The following CNTN4 variants were observed in gnomAD, a reference collection of about 807,000 sequenced individuals.
CNTN4 encodes contactin 4, also known as contactin-4.
A neutral mutation model predicts 122.5 loss-of-function variants in CNTN4; 77 were observed. The ratio of observed to expected loss-of-function variants is 0.63; its 90% CI spans 0.52 to 0.76. CNTN4 has a LOEUF of 0.76. Among genes scored for constraint, CNTN4 ranks in the 30% least tolerant of loss-of-function variants. The pLI is 0.00. For missense variants in CNTN4, 1,256 were observed against 1,259.1 expected (o/e 1.00, Z 0.04); for synonymous variants, 512 against 447.0 (o/e 1.15, Z -1.83).
intron 3 of CNTN4, among the ~76,000 whole-genome samples, chr3:2,559,874 G>T (rs918525964): frequency 6.6e-6 from 1 of 152,172 alleles, no homozygotes; most frequent in African/African-American, 2.4e-5. Context: ...GAAGAAGAAT[G>T]CAAGCTCCAT....
At chr3:2,474,141 C>T (rs2075772906) in intron 3 of CNTN4, among the ~76,000 whole-genome samples, 1 of 152,104 alleles carries the variant, frequency 6.6e-6, no homozygotes, top group South Asian at 2.1e-4. Flanking sequence ...CCTGCCTTAA[C>T]TTTGTTTAGA....
At position 2,823,484 on chromosome 3, in the gene CNTN4, G is replaced by A. The variant is rs114009654; in HGVS notation, c.454+3903G>A. Reference sequence around the variant, plus strand: ...CTCTTTGTCATCTCTTGGTTTATATGTATGAATTCAGATGTGATGGTTTTG... The same window carrying A: ...CTCTTTGTCATCTCTTGGTTTATATATATGAATTCAGATGTGATGGTTTTG... On this transcript the variant is annotated intron_variant, in intron 7 of 24. Transcript: ENST00000418658. 3.0e-3 allele frequency among the ~76,000 whole-genome samples: 462 copies of A among 152,268 alleles called. 2 individuals carry two copies. The highest frequency in any genetic ancestry group is 0.011 in the African/African-American group (444 of 41,558).
At chr3:2,352,195 C>T (rs527410149) in intron 3 of CNTN4, among the ~76,000 whole-genome samples, 1 of 151,964 alleles carries the variant, frequency 6.6e-6, no homozygotes, top group South Asian at 2.1e-4. Flanking sequence ...TTGAGACCAT[C>T]CTGGCTAACA....
At chr3:2,345,376 A>G (rs2044364582) in intron 3 of CNTN4, among the ~76,000 whole-genome samples, 1 of 152,182 alleles carries the variant, frequency 6.6e-6, no homozygotes, top group African/African-American at 2.4e-5. Context: ...TCTGTGAAGT[A>G]TTTTATAAGC....
In CNTN4 at chr3:2,125,074, T is replaced by C. The variant is rs1214236638; in HGVS notation, c.-145+24435T>C. Among the ~76,000 whole-genome samples, 7 of 152,204 alleles carry C rather than the reference T, an allele frequency of 4.6e-5. No homozygotes were observed. In the East Asian group the frequency reaches 1.4e-3, roughly 29 times the overall value. Reference sequence around the variant, plus strand: ...TCTAGCACTTATTCATCTTGCAGAATTGAAATTTTATACCCTTTGTACCCT... The same window carrying C: ...TCTAGCACTTATTCATCTTGCAGAACTGAAATTTTATACCCTTTGTACCCT... On this transcript the variant is annotated intron_variant, in intron 2 of 24. Transcript: ENST00000418658.
At chr3:2,305,420 A>G (rs543666830) in intron 2 of CNTN4, among the ~76,000 whole-genome samples, 3 of 152,048 alleles carry the variant, frequency 2.0e-5, no homozygotes, top group Non-Finnish European at 4.4e-5. Flanking sequence ...ATGACCTTTT[A>G]TTGTGTTTAT....
At chr3:2,667,555 G>A (rs1315247941) in intron 4 of CNTN4, among the ~76,000 whole-genome samples, 1 of 152,030 alleles carries the variant, frequency 6.6e-6, no homozygotes, top group Non-Finnish European at 1.5e-5. Flanking sequence ...TATTCACTGT[G>A]ATGGTAGTTT....
At chr3:2,782,210 G>T (rs1424488089) in intron 6 of CNTN4, among the ~76,000 whole-genome samples, 1 of 151,924 alleles carries the variant, frequency 6.6e-6, no homozygotes, top group East Asian at 1.9e-4. Context: ...TCTGACCCCA[G>T]CTTCCCTTCT....
At position 2,121,281 on chromosome 3, in the gene CNTN4, C is replaced by G. The variant is rs570528464; in HGVS notation, c.-145+20642C>G. Among the ~76,000 whole-genome samples, 133 of 152,204 alleles carry G rather than the reference C, an allele frequency of 8.7e-4. 1 individual carries two copies. Among genetic ancestry groups the G allele is most frequent in the Non-Finnish European group, 1.4e-3 (97 of 68,002 alleles). On this transcript the variant is annotated intron_variant, in intron 2 of 24. Coordinates refer to ENST00000418658, the MANE Select transcript of CNTN4 (RefSeq NM_175607.3). ...CTGGGAGGCCGAGGCGGGCAGATCACGAGGTCAGAAGTTTGAGACCAGCCT... is the reference window on the plus strand; with the variant it reads ...CTGGGAGGCCGAGGCGGGCAGATCAGGAGGTCAGAAGTTTGAGACCAGCCT...
chr3:2,128,203 C>T, intron 2 of CNTN4, among the ~76,000 whole-genome samples: 1 of 152,142 alleles, frequency 6.6e-6, no homozygotes, highest in East Asian at 1.9e-4. Flanking sequence ...CTCATTGTTA[C>T]ATTTACCTGC....
In CNTN4 at chr3:2,988,204, A is replaced by G. The variant is rs1289923142; in HGVS notation, c.1359-141A>G. On this transcript the variant is annotated intron_variant, in intron 13 of 24. Transcript: ENST00000418658. ...ATGTATATGTGGACAAATACCCTAA[A>G]TAAAGATGAGGCTGTCATCTTTACT... 7 of 770,678 alleles carry G rather than the reference A, an allele frequency of 9.1e-6. No homozygotes were observed. The African/African-American group carries it at 1.2e-4, about 13-fold the overall frequency. 47.7% of individuals were successfully genotyped at this position (770,678 alleles called of 1,614,324 possible). A position where few individuals can be genotyped will look rare whatever the true frequency, so the allele number is the denominator to read the frequency against.
In CNTN4 at chr3:3,042,408, A is replaced by G. The variant is rs948970590; in HGVS notation, c.2497A>G (p.Ile833Val). The G allele has an allele frequency of 6.2e-7, 1 of 1,610,090 alleles. No homozygotes were observed. The highest frequency in any genetic ancestry group is 8.5e-7 in the Non-Finnish European group (1 of 1,176,318). ...ASPLEKNRGR[I>V]QGYEVKYWRH... is the part of the protein sequence containing the mutation. ...CCCACTGGAGAAGAATAGAGGACGAATACAAGGTTATGAGGTAGGCAAGAC... is the reference window on the plus strand; with the variant it reads ...CCCACTGGAGAAGAATAGAGGACGAGTACAAGGTTATGAGGTAGGCAAGAC... Residue 833 changes from isoleucine to valine, a missense_variant, in exon 21 of 25, where the codon ATA (isoleucine) becomes GTA (valine). By Grantham distance (29) the Ile-to-Val change is conservative. Coordinates refer to ENST00000418658, the MANE Select transcript of CNTN4 (RefSeq NM_175607.3).
At chr3:2,815,937 G>T (rs1354419403) in intron 6 of CNTN4, among the ~76,000 whole-genome samples, 1 of 150,428 alleles carries the variant, frequency 6.6e-6, no homozygotes, top group Non-Finnish European at 1.5e-5. Flanking sequence ...AACAGCATTT[G>T]CAGTGACGTG....
chr3:2,170,088 G>C (rs888461406), intron 2 of CNTN4, among the ~76,000 whole-genome samples: 3 of 151,798 alleles, frequency 2.0e-5, no homozygotes, highest in Non-Finnish European at 2.9e-5. Flanking sequence ...TTGGGAGGCC[G>C]AGGCGGGAGG....
intron 4 of CNTN4, among the ~76,000 whole-genome samples, chr3:2,573,146 C>T (rs549897585): frequency 6.6e-6 from 1 of 152,126 alleles, no homozygotes; most frequent in Non-Finnish European, 1.5e-5. Flanking sequence ...AGCGTATGGT[C>T]TTTTAGTTGT....
At chr3:2,765,646 T>G (rs1017366729) in intron 6 of CNTN4, among the ~76,000 whole-genome samples, 5 of 152,182 alleles carry the variant, frequency 3.3e-5, no homozygotes, top group Non-Finnish European at 4.4e-5. Flanking sequence ...CTTAGAGTTT[T>G]TAATACCTGT....
Position 2,840,555 on chromosome 3 carries a change from C to A in CNTN4, c.454+20974C>A. ...CTCTACTAAAAATACAAAAATTAGC[C>A]GGGCGCGGTGATGGGCGCCTGTAGT... is the stretch of plus-strand genomic sequence containing the variant. On this transcript the variant is annotated intron_variant, in intron 7 of 24. Coordinates refer to ENST00000418658, the MANE Select transcript of CNTN4 (RefSeq NM_175607.3). Among the ~76,000 whole-genome samples the A allele has an allele frequency of 6.4e-5, 2 of 31,114 alleles. 1 individual carries two copies. Among genetic ancestry groups the A allele is most frequent in the Non-Finnish European group, 3.4e-4 (2 of 5,914 alleles). 20.4% of individuals were successfully genotyped at this position (31,114 alleles called of 152,430 possible).
intron 14 of CNTN4, among the ~76,000 whole-genome samples, chr3:2,993,599 G>A (rs1475294701): frequency 1.3e-5 from 2 of 151,782 alleles, no homozygotes; most frequent in African/African-American, 2.4e-5. Flanking sequence ...TGCGCCCCCC[G>A]AGACTGTGTA....
intron 8 of CNTN4, among the ~76,000 whole-genome samples, chr3:2,875,361 G>A (rs191186866): frequency 8.5e-5 from 13 of 152,276 alleles, no homozygotes; most frequent in Non-Finnish European, 1.8e-4. Flanking sequence ...TTGTGATTCA[G>A]TATTTGGCAA....
Sources: gnomAD v4.1 joint callset for allele counts (sites outside exome capture counted in the v4.1 genomes callset) on GRCh38, gnomAD v4.1.1 for gene constraint, MANE v1.5 for transcripts, NCBI Gene and HGNC (gene_info 2026-07-23, HGNC 2026-07-21) for gene names.